Variants in PRR16 observed in about 807,000 individuals in gnomAD.
PRR16 encodes protein Largen.
A neutral mutation model predicts 18.2 loss-of-function variants in PRR16; 6 were observed. The ratio of observed to expected loss-of-function variants is 0.33; its 90% CI spans 0.18 to 0.65. The LOEUF (loss-of-function observed/expected upper bound fraction) is 0.65, where lower values mean the gene tolerates loss of function less well. Among genes scored for constraint, PRR16 ranks in the 30% least tolerant of loss-of-function variants. The probability of loss-of-function intolerance (pLI) is 0.74; values close to 1 mark genes in which losing one functional copy is unlikely to be tolerated. For synonymous variants in PRR16, 151 were observed against 147.8 expected (o/e 1.02, Z -0.16); for missense variants, 412 against 376.6 (o/e 1.09, Z -0.78).
chr5:120,766,346 T>TAATA, the PRR16 span, among the ~76,000 whole-genome samples: 4 of 151,996 alleles, frequency 2.6e-5, no homozygotes, highest in African/African-American at 9.7e-5. Flanking sequence ...TTCTTTTTCT[T>TAATA]AATAAAGTTA....
chr5:120,594,738 T>C (rs1211501559), intron 1 of PRR16, among the ~76,000 whole-genome samples: 1 of 152,220 alleles, frequency 6.6e-6, no homozygotes, highest in African/African-American at 2.4e-5. Flanking sequence ...CAAAACAGCA[T>C]GGTACTTGTA....
chr5:120,507,555 G>A (rs757019398), intron 1 of PRR16, among the ~76,000 whole-genome samples: 2 of 151,998 alleles, frequency 1.3e-5, no homozygotes, highest in Non-Finnish European at 2.9e-5. Context: ...AGGAGAGAAC[G>A]ATGACAAAAT....
chr5:120,553,144 A>T (rs1752306231), intron 1 of PRR16, among the ~76,000 whole-genome samples: 1 of 151,050 alleles, frequency 6.6e-6, no homozygotes, highest in African/African-American at 2.4e-5. Context: ...TTGAGGATAT[A>T]AAAAAAAAGC....
the PRR16 span, among the ~76,000 whole-genome samples, chr5:120,768,517 G>A: frequency 4.6e-5 from 7 of 151,582 alleles, no homozygotes; most frequent in Non-Finnish European, 1.0e-4. Context: ...AGAAGCTGGT[G>A]TGAATACCTA....
chr5:120,620,121 A>G (rs1302854538), intron 1 of PRR16, among the ~76,000 whole-genome samples: 3 of 152,182 alleles, frequency 2.0e-5, no homozygotes, highest in South Asian at 4.1e-4. Flanking sequence ...AAGTCATGGT[A>G]AAGTTTGGTG....
At chr5:120,752,790 G>C in the PRR16 span, among the ~76,000 whole-genome samples, 1 of 151,834 alleles carries the variant, frequency 6.6e-6, no homozygotes, top group Non-Finnish European at 1.5e-5. Context: ...TTACGAGATA[G>C]TTATTTAGCT....
At chr5:120,547,026 G>C (rs1052201946) in intron 1 of PRR16, among the ~76,000 whole-genome samples, 5 of 152,014 alleles carry the variant, frequency 3.3e-5, no homozygotes, top group Non-Finnish European at 7.4e-5. Flanking sequence ...AAGTATAAAA[G>C]GTAAGTTTTG....
chr5:120,716,678 C>T, the PRR16 span, among the ~76,000 whole-genome samples: 1 of 152,094 alleles, frequency 6.6e-6, no homozygotes, highest in Non-Finnish European at 1.5e-5. Context: ...AGTTCGAGAC[C>T]AGCCTGGCCA....
chr5:120,725,872 A>G, the PRR16 span, among the ~76,000 whole-genome samples: 2 of 152,088 alleles, frequency 1.3e-5, no homozygotes, highest in Non-Finnish European at 2.9e-5. Context: ...CTATAGTGAG[A>G]AGGCAGAAGA....
chr5:120,556,242 T>A (rs1310681868), intron 1 of PRR16, among the ~76,000 whole-genome samples: 1 of 150,034 alleles, frequency 6.7e-6, no homozygotes. Flanking sequence ...TGTTTTTTTT[T>A]TTTTTTTTTT....
chr5:120,715,062 C>T, the PRR16 span, among the ~76,000 whole-genome samples: 1 of 151,592 alleles, frequency 6.6e-6, no homozygotes, highest in Non-Finnish European at 1.5e-5. Flanking sequence ...ACACGTATAT[C>T]TATGTAACAA....
intron 1 of PRR16, among the ~76,000 whole-genome samples, chr5:120,677,618 G>T (rs889528166): frequency 3.9e-5 from 6 of 152,070 alleles, no homozygotes; most frequent in Non-Finnish European, 1.5e-5. Flanking sequence ...TTCTTGGAAA[G>T]GTTTCAGTCA....
At chr5:120,772,767 G>C in the PRR16 span, among the ~76,000 whole-genome samples, 1 of 151,976 alleles carries the variant, frequency 6.6e-6, no homozygotes. Flanking sequence ...TACAGTCTTT[G>C]ATGCTCACAA....
intron 1 of PRR16, among the ~76,000 whole-genome samples, chr5:120,605,790 C>A (rs913258296): frequency 1.3e-5 from 2 of 152,138 alleles, no homozygotes; most frequent in African/African-American, 4.8e-5. Flanking sequence ...AGGCTCAGCT[C>A]AGCACTCCTG....
chr5:120,622,543 A>C (rs1364126308), intron 1 of PRR16, among the ~76,000 whole-genome samples: 2 of 152,012 alleles, frequency 1.3e-5, no homozygotes, highest in Admixed American at 6.6e-5. Context: ...CAATGGCATG[A>C]TCTTGGCTCA....
chr5:120,564,423 G>A (rs1017586762), intron 1 of PRR16, among the ~76,000 whole-genome samples: 27 of 152,098 alleles, frequency 1.8e-4, no homozygotes, highest in Non-Finnish European at 3.2e-4. Context: ...GTGAAACTCC[G>A]ACCTTCCGAC....
chr5:120,571,983 C>T (rs1209428841), intron 1 of PRR16, among the ~76,000 whole-genome samples: 3 of 152,144 alleles, frequency 2.0e-5, no homozygotes, highest in African/African-American at 7.2e-5. Flanking sequence ...GACCTCCCAA[C>T]ATGGGCTTCC....
At chr5:120,538,922 C>A (rs541866824) in intron 1 of PRR16, among the ~76,000 whole-genome samples, 1 of 152,120 alleles carries the variant, frequency 6.6e-6, no homozygotes, top group South Asian at 2.1e-4. Context: ...GAGTTTGTTC[C>A]CTGGAGGAAG....
the PRR16 span, among the ~76,000 whole-genome samples, chr5:120,719,973 C>T: frequency 2.6e-5 from 4 of 151,906 alleles, no homozygotes; most frequent in Admixed American, 6.6e-5. Flanking sequence ...GCACATACTG[C>T]CCCCAAATTA....
Sources: allele counts gnomAD v4.1 joint callset (sites outside exome capture counted in the v4.1 genomes callset), GRCh38; gene constraint gnomAD v4.1.1; transcripts MANE v1.5; gene names NCBI Gene and HGNC (gene_info 2026-07-23, HGNC 2026-07-21).